DPT: variants seen among roughly 807,000 people sequenced by gnomAD.
DPT encodes the protein dermatopontin.
Under a neutral mutation model 31.2 loss-of-function variants are expected in DPT, and 21 were observed. The ratio of observed to expected loss-of-function variants is 0.67; its 90% CI spans 0.48 to 0.97. DPT has a LOEUF of 0.97. Among genes scored for constraint, DPT ranks in the 50% least tolerant of loss-of-function variants. DPT has a pLI of 0.00. For missense variants in DPT, 262 were observed against 258.8 expected, an observed-to-expected ratio of 1.01 and a Z score of -0.08; for synonymous variants, 91 against 86.9, an observed-to-expected ratio of 1.05 and a Z score of -0.26.
At chr1:168,700,164 A>AG (rs1192902446) in intron 3 of DPT, among the ~76,000 whole-genome samples, 3 of 152,120 alleles carry the variant, frequency 2.0e-5, no homozygotes, top group Admixed American at 1.3e-4. Flanking sequence ...AGGAGCCTTT[A>AG]GGGGGGTGAT....
intron 3 of DPT, among the ~76,000 whole-genome samples, chr1:168,697,457 A>G (rs2101897236): frequency 6.6e-6 from 1 of 152,246 alleles, no homozygotes; most frequent in East Asian, 1.9e-4. Context: ...CCATTCTGGC[A>G]TCACAAGAAT....
At chr1:168,723,785 C>T (rs1650173365) in intron 1 of DPT, among the ~76,000 whole-genome samples, 2 of 152,166 alleles carry the variant, frequency 1.3e-5, no homozygotes, top group South Asian at 4.2e-4. Flanking sequence ...GCTGGAATTC[C>T]ACGATTCTGT....
chr1:168,701,669 T>C (rs187418891), intron 2 of DPT, among the ~76,000 whole-genome samples: 1 of 152,250 alleles, frequency 6.6e-6, no homozygotes, highest in East Asian at 1.9e-4. Context: ...TTGTGAGTTA[T>C]AGTCAACAAA....
At chr1:168,715,478 G>A (rs1333971348) in intron 1 of DPT, among the ~76,000 whole-genome samples, 1 of 152,054 alleles carries the variant, frequency 6.6e-6, no homozygotes, top group Non-Finnish European at 1.5e-5. Context: ...CACTGTTCTT[G>A]CTACTTATCC....
chr1:168,702,626 T>TTTTG (rs1162976565), intron 2 of DPT, among the ~76,000 whole-genome samples: 1 of 151,404 alleles, frequency 6.6e-6, no homozygotes, highest in East Asian at 1.9e-4. Flanking sequence ...TTTTTTTTTT[T>TTTTG]TTTGAGACCA....
intron 2 of DPT, among the ~76,000 whole-genome samples, chr1:168,710,555 C>G (rs939606353): frequency 6.6e-6 from 1 of 152,170 alleles, no homozygotes; most frequent in Non-Finnish European, 1.5e-5. Flanking sequence ...TCTGGCAACT[C>G]AAAATTGCTC....
intron 1 of DPT, among the ~76,000 whole-genome samples, chr1:168,720,922 C>G (rs947974856): frequency 6.6e-6 from 1 of 152,190 alleles, no homozygotes; most frequent in Non-Finnish European, 1.5e-5. Flanking sequence ...TTCATTAAGT[C>G]TTTTGACAAA....
chr1:168,719,745 G>A lies in DPT; in HGVS notation c.306-5399C>T, dbSNP rs375509902. Reference sequence around the variant, plus strand: ...TAAGACTATTTCCTTAGAGCAGGAGGGCACTGGTACCTTACTTACAAGACT... The same window carrying A: ...TAAGACTATTTCCTTAGAGCAGGAGAGCACTGGTACCTTACTTACAAGACT... On this transcript the variant is annotated intron_variant, in intron 1 of 3. Transcript: ENST00000367817. Among the ~76,000 whole-genome samples, 4 of 151,852 alleles carry A rather than the reference G, an allele frequency of 2.6e-5. No homozygotes were observed. The East Asian group carries it at 5.8e-4, about 22-fold the overall frequency.
intron 1 of DPT, among the ~76,000 whole-genome samples, chr1:168,722,058 C>G (rs1650127720): frequency 6.6e-6 from 1 of 152,228 alleles, no homozygotes; most frequent in East Asian, 1.9e-4. Context: ...AAAATACAGG[C>G]AGGAGAGGCT....
intron 1 of DPT, among the ~76,000 whole-genome samples, chr1:168,719,302 A>T (rs1650048592): frequency 6.6e-6 from 1 of 152,084 alleles, no homozygotes. Flanking sequence ...CCTCTCCTCC[A>T]TTCCTCTCAT....
At position 168,725,413 on chromosome 1, in the gene DPT, T is replaced by A. The variant is rs553843851; in HGVS notation, c.305+3457A>T. Among the ~76,000 whole-genome samples, 240 of 152,140 alleles carry A rather than the reference T, an allele frequency of 1.6e-3. 1 individual carries two copies. The highest frequency in any genetic ancestry group is 2.4e-3 in the Non-Finnish European group (163 of 68,006). On this transcript the variant is annotated intron_variant, in intron 1 of 3. Coordinates refer to ENST00000367817, the MANE Select transcript of DPT (RefSeq NM_001937.5). ...CACAGATACAAGCAGGAGCTGTGAA[T>A]CCAGGTTTCCTGCATCCAAGCCCAG...
chr1:168,703,387 T>G (rs994488467), intron 2 of DPT, among the ~76,000 whole-genome samples: 1 of 152,194 alleles, frequency 6.6e-6, no homozygotes, highest in South Asian at 2.1e-4. Context: ...CATCAAGAAG[T>G]TTTAAGCTTC....
chr1:168,707,323 A>T (rs913613204), intron 2 of DPT, among the ~76,000 whole-genome samples: 1 of 152,174 alleles, frequency 6.6e-6, no homozygotes, highest in Non-Finnish European at 1.5e-5. Flanking sequence ...ATCCATTCAC[A>T]TTCATTGACT....
chr1:168,712,949 G>A (rs577851485), intron 2 of DPT, among the ~76,000 whole-genome samples: 5 of 152,118 alleles, frequency 3.3e-5, no homozygotes, highest in Non-Finnish European at 7.3e-5. Flanking sequence ...CTCAAAAAAG[G>A]TGGTCATCAT....
At chr1:168,707,556 T>C (rs1417889845) in intron 2 of DPT, among the ~76,000 whole-genome samples, 1 of 152,182 alleles carries the variant, frequency 6.6e-6, no homozygotes, top group Non-Finnish European at 1.5e-5. Context: ...TCACCTATAA[T>C]GCAGGCACCA....
intron 1 of DPT, among the ~76,000 whole-genome samples, chr1:168,722,875 C>T (rs1467637064): frequency 6.6e-6 from 1 of 151,356 alleles, no homozygotes; most frequent in African/African-American, 2.4e-5. Flanking sequence ...CACACACACA[C>T]ACACACACGA....
intron 1 of DPT, among the ~76,000 whole-genome samples, chr1:168,720,514 G>C (rs1433323190): frequency 2.0e-5 from 3 of 152,168 alleles, no homozygotes; most frequent in Non-Finnish European, 4.4e-5. Context: ...GTCAAGTGAT[G>C]AACAAGGTAA....
At chr1:168,718,436 A>G (rs1244145368) in intron 1 of DPT, among the ~76,000 whole-genome samples, 1 of 152,242 alleles carries the variant, frequency 6.6e-6, no homozygotes, top group Non-Finnish European at 1.5e-5. Flanking sequence ...CTCAGAGCCT[A>G]AGAACATATA....
chr1:168,703,328 G>C (rs752416783), intron 2 of DPT, among the ~76,000 whole-genome samples: 2 of 152,026 alleles, frequency 1.3e-5, no homozygotes, highest in Non-Finnish European at 2.9e-5. Flanking sequence ...TCAGATACTT[G>C]GATAAATATC....
Sources: allele counts gnomAD v4.1 joint callset (sites outside exome capture counted in the v4.1 genomes callset), GRCh38; gene constraint gnomAD v4.1.1; transcripts MANE v1.5; gene names NCBI Gene and HGNC (gene_info 2026-07-23, HGNC 2026-07-21).